The following ZFHX3 variants were observed in gnomAD, a reference collection of about 807,000 sequenced individuals.
ZFHX3 encodes zinc finger homeobox protein 3.
ZFHX3 carries 42 observed loss-of-function variants against 279.1 expected under a neutral mutation model. The ratio of observed to expected loss-of-function variants is 0.15; its 90% CI spans 0.12 to 0.19. The LOEUF (loss-of-function observed/expected upper bound fraction) is 0.19, where lower values mean the gene tolerates loss of function less well. Among genes scored for constraint, ZFHX3 ranks in the 10% least tolerant of loss-of-function variants. ZFHX3 has a pLI of 1.00. For synonymous variants in ZFHX3, 2,293 were observed against 1,957.8 expected (o/e 1.17, Z -4.52); for missense variants, 4,981 against 4,754.0 (o/e 1.05, Z -1.40).
intron 2 of ZFHX3, among the ~76,000 whole-genome samples, chr16:73,558,961 C>T (rs971872590): frequency 1.3e-5 from 2 of 151,666 alleles, no homozygotes; most frequent in East Asian, 1.9e-4. Flanking sequence ...GTGATCTGCC[C>T]GCCTCAGCCT....
chr16:73,762,419 C>T (rs887881759), intron 1 of ZFHX3, among the ~76,000 whole-genome samples: 6 of 152,152 alleles, frequency 3.9e-5, no homozygotes, highest in African/African-American at 4.8e-5. Flanking sequence ...GACAGTGTGG[C>T]GATTCCTTAA....
intron 5 of ZFHX3, among the ~76,000 whole-genome samples, chr16:73,144,731 C>T (rs139183231): frequency 2.1e-4 from 32 of 152,276 alleles, no homozygotes; most frequent in South Asian, 6.2e-4. Flanking sequence ...CTCTCCTACC[C>T]GCCCCTCCCC....
intron 4 of ZFHX3, chr16:73,294,098 T>C (rs1165196520): frequency 6.6e-6 from 1 of 152,000 alleles, no homozygotes; most frequent in Non-Finnish European, 1.5e-5. Flanking sequence ...TATAGTTCGA[T>C]TATGATTTTA....
At chr16:73,131,026 C>G in exon 7 of ZFHX3, 5 of 1,301,608 alleles carry the variant, frequency 3.8e-6, no homozygotes, top group Non-Finnish European at 5.1e-6. Flanking sequence ...AGTTAGACCC[C>G]CTGGGCTCCA....
intron 5 of ZFHX3, among the ~76,000 whole-genome samples, chr16:72,821,427 C>T (rs1396165441): frequency 6.6e-6 from 1 of 152,150 alleles, no homozygotes; most frequent in East Asian, 1.9e-4. Context: ...TGCTGCTTTC[C>T]GTCTCCATTG....
intron 1 of ZFHX3, among the ~76,000 whole-genome samples, chr16:73,801,097 AGCTG>A (rs1960133027): frequency 1.3e-5 from 2 of 152,232 alleles, no homozygotes; most frequent in African/African-American, 2.4e-5. Context: ...AGTTGGAACA[AGCTG>A]TACCAGGTGC....
intron 4 of ZFHX3, among the ~76,000 whole-genome samples, chr16:73,299,157 A>G (rs1269008044): frequency 1.3e-5 from 2 of 152,216 alleles, no homozygotes; most frequent in African/African-American, 2.4e-5. Context: ...CCCTACTACA[A>G]TAGTCCTTAG....
At position 72,951,066 on chromosome 16, in the gene ZFHX3, A is replaced by C. The variant is rs963225835; in HGVS notation, c.2720-101T>G. ...CTCCGCCACCCTCAACTGGGGTCCA[A>C]AAGGAGAAGATGACATTTCAAGTGT... On this transcript the variant is annotated intron_variant, in intron 2 of 9. Transcript: ENST00000268489. 27 of 1,486,220 alleles carry C rather than the reference A, an allele frequency of 1.8e-5. No individual in the cohort carries two copies. In the African/African-American group the frequency reaches 3.8e-4, roughly 21 times the overall value. The allele number at this position is 1,486,220 out of a possible 1,614,324, so 92.1% of individuals were successfully genotyped here.
At chr16:73,199,244 C>T (rs910661512) in intron 5 of ZFHX3, among the ~76,000 whole-genome samples, 7 of 152,154 alleles carry the variant, frequency 4.6e-5, no homozygotes, top group Non-Finnish European at 1.0e-4. Context: ...TGGGGCGTAA[C>T]GGGGTACACT....
intron 4 of ZFHX3, among the ~76,000 whole-genome samples, chr16:73,314,275 G>T (rs925053199): frequency 2.0e-5 from 3 of 152,158 alleles, no homozygotes; most frequent in Non-Finnish European, 4.4e-5. Context: ...CCTGAGTCTT[G>T]AGCCTGCTGG....
chr16:73,879,878 A>G (rs1383721905), intron 1 of ZFHX3, among the ~76,000 whole-genome samples: 1 of 152,084 alleles, frequency 6.6e-6, no homozygotes, highest in Non-Finnish European at 1.5e-5. Context: ...ACATTGTTAG[A>G]TGTCCCCTGG....
intron 2 of ZFHX3, among the ~76,000 whole-genome samples, chr16:73,613,096 G>T (rs2052264111): frequency 6.6e-6 from 1 of 152,094 alleles, no homozygotes; most frequent in Non-Finnish European, 1.5e-5. Context: ...TAGAAAGCAA[G>T]TTTTTATTTA....
chr16:73,341,898 G>C (rs530423846), intron 3 of ZFHX3, among the ~76,000 whole-genome samples: 19 of 152,310 alleles, frequency 1.2e-4, no homozygotes, highest in African/African-American at 4.3e-4. Flanking sequence ...CAAATCTATA[G>C]ACAGAAAATG....
At chr16:73,427,447 C>G (rs1285606388) in intron 3 of ZFHX3, among the ~76,000 whole-genome samples, 4 of 152,208 alleles carry the variant, frequency 2.6e-5, no homozygotes, top group Admixed American at 1.3e-4. Flanking sequence ...TCGCTAACGG[C>G]AGCAGTACCT....
intron 5 of ZFHX3, among the ~76,000 whole-genome samples, chr16:73,175,095 C>T (rs2144871903): frequency 6.6e-6 from 1 of 152,052 alleles, no homozygotes; most frequent in Non-Finnish European, 1.5e-5. Context: ...GAAAACCCCA[C>T]TTGGCCTGGT....
intron 2 of ZFHX3, among the ~76,000 whole-genome samples, chr16:73,575,300 A>G (rs2051787950): frequency 6.6e-6 from 1 of 152,256 alleles, no homozygotes; most frequent in Admixed American, 6.5e-5. Context: ...TTTAAAAACC[A>G]AAGGTTCATT....
At chr16:73,122,980 T>C (rs535598142) in intron 7 of ZFHX3, among the ~76,000 whole-genome samples, 1 of 152,240 alleles carries the variant, frequency 6.6e-6, no homozygotes, top group African/African-American at 2.4e-5. Context: ...TTCCACTCCC[T>C]CATGCTACGT....
At chr16:73,104,555 TG>T (rs1332289218) in intron 7 of ZFHX3, among the ~76,000 whole-genome samples, 2 of 152,168 alleles carry the variant, frequency 1.3e-5, no homozygotes, top group African/African-American at 2.4e-5. Context: ...TGTGACCATT[TG>T]GGCAAATCTC....
intron 3 of ZFHX3, among the ~76,000 whole-genome samples, chr16:73,329,953 G>T (rs2015768259): frequency 6.6e-6 from 1 of 152,028 alleles, no homozygotes; most frequent in Admixed American, 6.6e-5. Context: ...TCTGGGACTG[G>T]CTAGAGCAGT....
Sources: gnomAD v4.1 joint callset for allele counts (sites outside exome capture counted in the v4.1 genomes callset) on GRCh38, gnomAD v4.1.1 for gene constraint, MANE v1.5 for transcripts, NCBI Gene and HGNC (gene_info 2026-07-23, HGNC 2026-07-21) for gene names.